CXADR: variants seen among roughly 807,000 people sequenced by gnomAD.
CXADR encodes coxsackievirus and adenovirus receptor.
CXADR carries 20 observed loss-of-function variants against 40.3 expected under a neutral mutation model. The observed-to-expected ratio is 0.50, with a 90% CI of 0.35 to 0.72. The LOEUF (loss-of-function observed/expected upper bound fraction) is 0.72, where lower values mean the gene tolerates loss of function less well. Among genes scored for constraint, CXADR ranks in the 30% least tolerant of loss-of-function variants. The pLI is 0.01. For synonymous variants in CXADR, 150 were observed against 161.3 expected (o/e 0.93, Z 0.53); for missense variants, 332 against 449.1 (o/e 0.74, Z 2.36).
At chr21:17,606,545 A>G in the CXADR span, among the ~76,000 whole-genome samples, 3 of 152,148 alleles carry the variant, frequency 2.0e-5, no homozygotes, top group Non-Finnish European at 2.9e-5. Flanking sequence ...ATAAAAAGAT[A>G]TATCTTAGAT....
chr21:17,604,946 G>C, the CXADR span: 8 of 1,614,142 alleles, frequency 5.0e-6, no homozygotes, highest in Non-Finnish European at 5.9e-6. Flanking sequence ...TGTTTTCACA[G>C]GCTTTCAGGA....
intron 7 of CXADR, among the ~76,000 whole-genome samples, chr21:17,588,696 C>A (rs1455164407): frequency 6.6e-6 from 1 of 152,060 alleles, no homozygotes; most frequent in East Asian, 1.9e-4. Flanking sequence ...CTATGTTATA[C>A]TTCAGAGTAT....
chr21:17,604,793 A>C, the CXADR span: 1 of 1,554,182 alleles, frequency 6.4e-7, no homozygotes, highest in Admixed American at 1.9e-5. Flanking sequence ...CAGGCCGTAC[A>C]TGACAGAATG....
intron 1 of CXADR, among the ~76,000 whole-genome samples, chr21:17,521,425 C>A (rs1300943910): frequency 6.6e-6 from 1 of 152,136 alleles, no homozygotes; most frequent in African/African-American, 2.4e-5. Context: ...TGGGTTCAAG[C>A]GATTCTCCTG....
At chr21:17,636,190 A>T in the CXADR span, among the ~76,000 whole-genome samples, 1 of 152,164 alleles carries the variant, frequency 6.6e-6, no homozygotes, top group Admixed American at 6.5e-5. Context: ...TTATTTGCAG[A>T]TTCTTTAGGG....
chr21:17,600,863 T>G, the CXADR span, among the ~76,000 whole-genome samples: 7 of 152,076 alleles, frequency 4.6e-5, no homozygotes, highest in Admixed American at 1.3e-4. Flanking sequence ...TTAGTTTACC[T>G]CATAAAAGTT....
At chr21:17,572,226 G>T (rs185058841), downstream of CXADR, among the ~76,000 whole-genome samples, 2 of 139,022 alleles carry the variant, frequency 1.4e-5, no homozygotes, top group Non-Finnish European at 3.2e-5. Context: ...AAAAAATTAG[G>T]CAGGCGTGGT....
chr21:17,602,605 T>G, the CXADR span, among the ~76,000 whole-genome samples: 1 of 152,180 alleles, frequency 6.6e-6, no homozygotes. Flanking sequence ...CACCTGACAC[T>G]CGCAGGTGAT....
downstream of CXADR, among the ~76,000 whole-genome samples, chr21:17,596,024 G>A (rs1309146860): frequency 6.6e-6 from 1 of 151,976 alleles, no homozygotes; most frequent in Non-Finnish European, 1.5e-5. Context: ...GATCATAAAT[G>A]AGGCCATTCA....
rs570602746 is a variant in CXADR, at chr21:17,554,023, T to C, written c.415+2070T>C. On this transcript the variant is annotated intron_variant, in intron 3 of 6. Transcript: ENST00000284878. ...AGGAACTATTAAGTTGGAAGATGTA[T>C]ACGGAATATTAACTGGTTCATGATA... 1.5e-4 allele frequency among the ~76,000 whole-genome samples: 23 copies of C among 152,362 alleles called. 1 individual carries two copies. In the South Asian group the frequency reaches 2.9e-3, roughly 19 times the overall value.
the CXADR span, among the ~76,000 whole-genome samples, chr21:17,618,318 T>G: frequency 6.6e-6 from 1 of 152,220 alleles, no homozygotes; most frequent in East Asian, 1.9e-4. Flanking sequence ...TCCACTGAAT[T>G]CTTGAATCCC....
downstream of CXADR, among the ~76,000 whole-genome samples, chr21:17,572,699 A>G (rs1043869236): frequency 2.0e-5 from 3 of 152,066 alleles, no homozygotes; most frequent in Admixed American, 6.5e-5. Flanking sequence ...CTGAGGCACT[A>G]ACTAACGTTG....
At chr21:17,550,260 A>G (rs2060948736) in intron 2 of CXADR, among the ~76,000 whole-genome samples, 1 of 151,596 alleles carries the variant, frequency 6.6e-6, no homozygotes, top group Non-Finnish European at 1.5e-5. Flanking sequence ...AGGCTGAGGC[A>G]GGAGAATCGC....
intron 7 of CXADR, among the ~76,000 whole-genome samples, chr21:17,579,000 A>AG (rs1355675899): frequency 6.6e-6 from 1 of 152,152 alleles, no homozygotes; most frequent in Non-Finnish European, 1.5e-5. Flanking sequence ...CTGATTCATA[A>AG]GACCCAATAT....
chr21:17,553,129 G>T (rs1042646857), intron 3 of CXADR, among the ~76,000 whole-genome samples: 1 of 152,082 alleles, frequency 6.6e-6, no homozygotes, highest in Non-Finnish European at 1.5e-5. Flanking sequence ...CACCATGTTG[G>T]CCAGGCTGGT....
the CXADR span, among the ~76,000 whole-genome samples, chr21:17,609,736 T>C: frequency 6.6e-6 from 1 of 152,200 alleles, no homozygotes; most frequent in Non-Finnish European, 1.5e-5. Context: ...GCAGTATTCA[T>C]AATAGCTAAA....
Position 17,566,958 on chromosome 21 carries a change from A to AAG in CXADR, c.*1266_*1267insAG. 7 of 970,712 alleles carry AAG rather than the reference A, an allele frequency of 7.2e-6. No individual in the cohort carries two copies. Among genetic ancestry groups the AAG allele is most frequent in the Non-Finnish European group, 7.3e-6 (6 of 818,884 alleles). The allele number at this position is 970,712 out of a possible 1,614,324, so 60.1% of individuals were successfully genotyped here. A position where few individuals can be genotyped will look rare whatever the true frequency, so the allele number is the denominator to read the frequency against. On this transcript the variant is annotated 3_prime_UTR_variant, in exon 7 of 7. Coordinates refer to ENST00000284878, the MANE Select transcript of CXADR (RefSeq NM_001338.5). ...GGTGATTTATTCTTAAAAAAAAAAAAGAAAGAAAAAGAAAAAAAGATAAGA... is the reference window on the plus strand; with the variant it reads ...GGTGATTTATTCTTAAAAAAAAAAAAAGGAAAGAAAAAGAAAAAAAGATAAGA...
Position 17,551,895 on chromosome 21 carries a change from G to A in CXADR, c.357G>A (p.Gln119=), listed in dbSNP as rs770870922. The part of the protein sequence containing the change: ...NLQLSDIGTY[Q]CKVKKAPGVA... Reference sequence around the variant, plus strand: ...AACTGTCAGATATTGGCACATATCAGTGCAAAGTGAAAAAAGCTCCTGGTG... The same window carrying A: ...AACTGTCAGATATTGGCACATATCAATGCAAAGTGAAAAAAGCTCCTGGTG... Residue 119 remains glutamine, a synonymous_variant, in exon 3 of 7, where the codon CAG becomes CAA. Coordinates refer to ENST00000284878, the MANE Select transcript of CXADR (RefSeq NM_001338.5). 11 of 1,613,846 alleles carry A rather than the reference G, an allele frequency of 6.8e-6. No homozygotes were observed. The South Asian group carries it at 7.7e-5, about 11-fold the overall frequency.
intron 3 of CXADR, among the ~76,000 whole-genome samples, chr21:17,556,353 G>T (rs1424189648): frequency 6.6e-6 from 1 of 152,206 alleles, no homozygotes; most frequent in Non-Finnish European, 1.5e-5. Context: ...AGAAACCTGT[G>T]TTGGTAGAAT....
Sources: gnomAD v4.1 joint callset for allele counts (sites outside exome capture counted in the v4.1 genomes callset) on GRCh38, gnomAD v4.1.1 for gene constraint, MANE v1.5 for transcripts, NCBI Gene and HGNC (gene_info 2026-07-23, HGNC 2026-07-21) for gene names.